The following GREP1 variants were observed in gnomAD, a reference collection of about 807,000 sequenced individuals.
The protein encoded by GREP1 is glycine rich extracellular protein 1, also known as glycine-rich extracellular protein 1.
chr16:3,001,106 C>T (rs1019474879), intron 33 of GREP1, among the ~76,000 whole-genome samples, 175 bp from the exon 28 acceptor site: 9 of 151,930 alleles, frequency 5.9e-5, no homozygotes, highest in African/African-American at 1.9e-4. Context: ...AGGGCCATCA[C>T]GGACTCAGTT....
intron 5 of GREP1, 118 bp from the exon 6 acceptor site, chr16:2,990,434 T>G: frequency 2.5e-6 from 1 of 399,110 alleles, no homozygotes; most frequent in Non-Finnish European, 4.4e-6. Flanking sequence ...GCCCCTCATC[T>G]GATCCCCCTC....
chr16:2,994,895 C>T (rs1239182492), intron 12 of GREP1, 32 bp from the exon 14 acceptor site: 1 of 399,136 alleles, frequency 2.5e-6, no homozygotes, highest in South Asian at 1.3e-4. Context: ...TCCCTCCCCT[C>T]ATTCATACCC....
chr16:2,996,504 C>T, exon 19 of GREP1: 1 of 399,052 alleles, frequency 2.5e-6, no homozygotes, highest in South Asian at 1.3e-4. Flanking sequence ...AGAATATGGC[C>T]ATGGAAATGG....
chr16:2,995,611 C>T lies in GREP1; in HGVS notation c.554-8C>T. 2.5e-6 allele frequency: 1 copy of T among 398,930 alleles called. No individual in the cohort carries two copies. 24.7% of individuals were successfully genotyped at this position (398,930 alleles called of 1,614,324 possible). A position where few individuals can be genotyped will look rare whatever the true frequency, so the allele number is the denominator to read the frequency against. ...CCAAATCCCCACCCCACCCTCCTCTCCCCATAGTCTTGACAGCCCAGAACC... is the reference window on the plus strand; with the variant it reads ...CCAAATCCCCACCCCACCCTCCTCTTCCCATAGTCTTGACAGCCCAGAACC... On this transcript the variant is annotated splice_polypyrimidine_tract_variant and splice_region_variant and intron_variant, in intron 15 of 34. Coordinates refer to ENST00000573315, the Ensembl canonical transcript of GREP1.
Position 2,989,364 on chromosome 16 carries a change from C to A in GREP1, c.101-159C>A, listed in dbSNP as rs2072387275. 1 of 397,892 alleles carries A rather than the reference C, an allele frequency of 2.5e-6. No individual in the cohort carries two copies. The highest frequency in any genetic ancestry group is 2.1e-5 in the African/African-American group (1 of 48,722). 24.6% of individuals were successfully genotyped at this position (397,892 alleles called of 1,614,324 possible). A position where few individuals can be genotyped will look rare whatever the true frequency, so the allele number is the denominator to read the frequency against. The stretch of plus-strand genomic sequence containing the variant: ...GCATCCAGATTTGGGCCCCTTTGTC[C>A]CCTTGTAAGTTCCCCTGCTTCCCCC... On this transcript the variant is annotated intron_variant, in intron 2 of 34. Transcript: ENST00000573315. The surrounding 1 kb of genome is among the most constrained non-coding windows in gnomAD (Gnocchi z 4.2).
At chr16:2,995,474 C>A in intron 15 of GREP1, 145 bp from the exon 16 acceptor site, 1 of 398,924 alleles carries the variant, frequency 2.5e-6, no homozygotes, top group Non-Finnish European at 4.4e-6. Context: ...ACCCCTGGGG[C>A]GTCCTCTCCC....
At chr16:2,994,355 A>G (rs980608816) in intron 10 of GREP1, 9 of 167,150 alleles carry the variant, frequency 5.4e-5, no homozygotes, top group Non-Finnish European at 1.0e-4. Context: ...TAAAAATGCT[A>G]AAAATTAGCC....
At position 2,991,785 on chromosome 16, in the gene GREP1, G is replaced by A. The variant is rs1008635873; in HGVS notation, c.322+684G>A. The A allele has an allele frequency of 4.6e-5, 7 of 152,404 alleles. No homozygotes were observed. In the East Asian group the frequency reaches 5.8e-4, roughly 13 times the overall value. The allele number at this position is 152,404 out of a possible 1,614,324, so 9.4% of individuals were successfully genotyped here. A position where few individuals can be genotyped will look rare whatever the true frequency, so the allele number is the denominator to read the frequency against. On this transcript the variant is annotated intron_variant, in intron 8 of 34. Transcript: ENST00000573315. This position sits in a 1 kb window ranked among gnomAD's most constrained non-coding sequence, Gnocchi z 4.9. ...GGCATGCGCCCTTAGTGAACTGTCA[G>A]GGTGTGGAGCACAGTGGCCCTGGGT...
In GREP1 at chr16:2,998,336, C is replaced by T. The variant is rs887459335; in HGVS notation, c.950-20C>T. 1 of 399,246 alleles carries T rather than the reference C, an allele frequency of 2.5e-6. No homozygotes were observed. The highest frequency in any genetic ancestry group is 3.6e-5 in the East Asian group (1 of 28,070). 24.7% of individuals were successfully genotyped at this position (399,246 alleles called of 1,614,324 possible). On this transcript the variant is annotated intron_variant, in intron 23 of 34. Coordinates refer to ENST00000573315, the Ensembl canonical transcript of GREP1. ...CGGGTGGGCTGATGTCTGAACTGGC[C>T]TCTTTCTGTCTCTCCCCAGGCCTGC...
rs1317205000 is a variant in GREP1 at position 2,996,656 on chromosome 16, C to T, written c.713-17C>T. ...AGCACTGGCTGGAGTTGATGTCAGC[C>T]TCTCTGTCTCTCCCAGGCCTAGGAG... On this transcript the variant is annotated splice_polypyrimidine_tract_variant and intron_variant, in intron 19 of 34. Coordinates refer to ENST00000573315, the Ensembl canonical transcript of GREP1. 1 of 398,940 alleles carries T rather than the reference C, an allele frequency of 2.5e-6. No homozygotes were observed. Among genetic ancestry groups the T allele is most frequent in the African/African-American group, 2.1e-5 (1 of 48,608 alleles). The allele number at this position is 398,940 out of a possible 1,614,324, so 24.7% of individuals were successfully genotyped here. A position where few individuals can be genotyped will look rare whatever the true frequency, so the allele number is the denominator to read the frequency against.
At chr16:3,001,911 G>A (rs947266140) in exon 35 of GREP1, 14 of 341,488 alleles carry the variant, frequency 4.1e-5, no homozygotes, top group South Asian at 3.1e-4. Flanking sequence ...ACCGCCTAGC[G>A]GGGGAACCAC....
intron 20 of GREP1, 34 bp downstream of exon 19, chr16:2,996,739 C>G (rs2072426962): frequency 2.5e-6 from 1 of 398,736 alleles, no homozygotes; most frequent in Non-Finnish European, 4.4e-6. Flanking sequence ...GGCCCCACCT[C>G]CCCTAGATCC....
rs1192038063 is a variant in GREP1 at position 2,992,576 on chromosome 16, G to A, written c.323-229G>A. 3 of 373,734 alleles carry A rather than the reference G, an allele frequency of 8.0e-6. No homozygotes were observed. Among genetic ancestry groups the A allele is most frequent in the East Asian group, 3.8e-5 (1 of 26,050 alleles). The allele number at this position is 373,734 out of a possible 1,614,324, so 23.2% of individuals were successfully genotyped here. Reference sequence around the variant, plus strand: ...GAGCACCCGTCCCAAGCCAGGCCTCGGCTGGCCATGGAGGACACCCAAGCT... The same window carrying A: ...GAGCACCCGTCCCAAGCCAGGCCTCAGCTGGCCATGGAGGACACCCAAGCT... On this transcript the variant is annotated intron_variant, in intron 8 of 34. Transcript: ENST00000573315. This position sits in a 1 kb window ranked among gnomAD's most constrained non-coding sequence, Gnocchi z 4.9.
At chr16:2,990,252 G>A (rs1226771627) in intron 5 of GREP1, 130 bp downstream of exon 5, 1 of 397,874 alleles carries the variant, frequency 2.5e-6, no homozygotes, top group Admixed American at 4.4e-5. Flanking sequence ...AGTCCAAGGG[G>A]GGGTTCAAGG....
At chr16:3,001,134 C>T (rs1285861483) in intron 33 of GREP1, 147 bp from the exon 28 acceptor site, 5 of 398,180 alleles carry the variant, frequency 1.3e-5, no homozygotes, top group African/African-American at 4.1e-5. Context: ...CTCTGTCCCT[C>T]TCCCCCCGGT....
intron 5 of GREP1, chr16:2,990,325 G>C (rs928376214): frequency 2.5e-6 from 1 of 398,256 alleles, no homozygotes; most frequent in Middle Eastern, 6.3e-4. Context: ...TCTCTCCCAC[G>C]AGCCCTTCCA....
At chr16:2,997,456 A>C (rs2072431518) in intron 22 of GREP1, 3 of 398,860 alleles carry the variant, frequency 7.5e-6, no homozygotes, top group Non-Finnish European at 8.8e-6. Flanking sequence ...TGCAGAAAGG[A>C]GGAAAGAGGT....
intron 10 of GREP1, 107 bp from the exon 12 acceptor site, chr16:2,994,591 C>T: frequency 2.5e-6 from 1 of 398,328 alleles, no homozygotes; most frequent in Non-Finnish European, 4.4e-6. Context: ...GGAAAGGAAC[C>T]TGCCTTTCTG....
At chr16:2,998,498 C>T (rs368347661) in exon 25 of GREP1, 19 of 399,170 alleles carry the variant, frequency 4.8e-5, no homozygotes, top group Middle Eastern at 6.3e-4. Context: ...CTCCAGGACA[C>T]GGCCATGAAA....
Sources: allele counts gnomAD v4.1 joint callset (sites outside exome capture counted in the v4.1 genomes callset), GRCh38; gene constraint gnomAD v4.1.1; non-coding constraint Gnocchi (gnomAD v3.1); transcripts MANE v1.5; gene names NCBI Gene and HGNC (gene_info 2026-07-23, HGNC 2026-07-21).